HLCS: variants seen among roughly 807,000 people sequenced by gnomAD.
HLCS encodes the protein holocarboxylase synthetase.
In HLCS, 53 loss-of-function variants were observed where a neutral mutation model predicts 75.0. The observed-to-expected ratio is 0.71, with a 90% CI of 0.57 to 0.89. The LOEUF (loss-of-function observed/expected upper bound fraction) is 0.89, where lower values mean the gene tolerates loss of function less well. Among genes scored for constraint, HLCS ranks in the 40% least tolerant of loss-of-function variants. HLCS has a pLI of 0.00. For synonymous variants in HLCS, 431 were observed against 428.6 expected, an observed-to-expected ratio of 1.01 and a Z score of -0.07; for missense variants, 966 against 1,074.0, an observed-to-expected ratio of 0.90 and a Z score of 1.41.
At chr21:36,757,148 T>C (rs554229914) in intron 9 of HLCS, among the ~76,000 whole-genome samples, 16 of 152,352 alleles carry the variant, frequency 1.1e-4, no homozygotes, top group African/African-American at 3.8e-4. Flanking sequence ...CTCTGGTTTC[T>C]TCTCCTGCTT....
At chr21:36,911,239 A>G (rs1319484187) in intron 5 of HLCS, among the ~76,000 whole-genome samples, 2 of 151,820 alleles carry the variant, frequency 1.3e-5, no homozygotes, top group East Asian at 1.9e-4. Context: ...AGCCAGCTGC[A>G]CTCTGCGCTG....
At chr21:36,970,712 G>A (rs151167972), upstream of HLCS, among the ~76,000 whole-genome samples, 632 of 151,896 alleles carry the variant, frequency 4.2e-3, 2 homozygotes, top group African/African-American at 0.015. Context: ...GAAAATCTTC[G>A]CCGGGCACAG....
At chr21:36,761,889 C>T (rs571637109) in intron 8 of HLCS, among the ~76,000 whole-genome samples, 253 of 152,306 alleles carry the variant, frequency 1.7e-3, no homozygotes, top group African/African-American at 5.7e-3. Context: ...CAAGCTCCTC[C>T]GCCACGTGCG....
At chr21:36,901,499 T>C (rs2065235936) in intron 5 of HLCS, among the ~76,000 whole-genome samples, 1 of 152,224 alleles carries the variant, frequency 6.6e-6, no homozygotes, top group African/African-American at 2.4e-5. Flanking sequence ...GCCAGAAATC[T>C]ATTCTTACAG....
chr21:36,871,006 T>G (rs1467347791), intron 6 of HLCS, among the ~76,000 whole-genome samples: 6 of 152,204 alleles, frequency 3.9e-5, no homozygotes, highest in Admixed American at 2.0e-4. Context: ...TTTTCAATAA[T>G]GCAAACGCTG....
At chr21:36,824,435 T>C (rs2061945441) in intron 6 of HLCS, among the ~76,000 whole-genome samples, 2 of 152,082 alleles carry the variant, frequency 1.3e-5, no homozygotes, top group Non-Finnish European at 2.9e-5. Context: ...CACTGGGGCC[T>C]GTCAGAGAAG....
intron 6 of HLCS, among the ~76,000 whole-genome samples, chr21:36,802,243 C>T (rs888785204): frequency 3.9e-5 from 6 of 152,018 alleles, no homozygotes; most frequent in Non-Finnish European, 5.9e-5. Flanking sequence ...TCCAAGATTG[C>T]AGCATAAGGG....
At chr21:36,826,222 AG>A (rs1430679106) in intron 6 of HLCS, among the ~76,000 whole-genome samples, 1 of 152,210 alleles carries the variant, frequency 6.6e-6, no homozygotes, top group Non-Finnish European at 1.5e-5. Flanking sequence ...TTTGAAATAC[AG>A]GTCCCCAGTC....
Position 36,854,193 on chromosome 21 carries a change from T to C in HLCS, c.1892+42667A>G, listed in dbSNP as rs948546475. Among the ~76,000 whole-genome samples, 14 of 152,316 alleles carry C rather than the reference T, an allele frequency of 9.2e-5. No homozygotes were observed. In the East Asian group the frequency reaches 9.6e-4, roughly 10 times the overall value. ...ATATGTTAAAAATCACATCCTACAA[T>C]TAAGCTTTTGATGAGAACTGTTAGA... On this transcript the variant is annotated intron_variant, in intron 6 of 10. Transcript: ENST00000674895.
Position 36,966,449 on chromosome 21 carries a change from T to C in HLCS, c.190A>G (p.Ser64Gly). The change falls in exon 1 of 11, where the codon AGC becomes GGC. Residue 64 changes from serine to glycine, a missense_variant. Physicochemically the swap from Ser to Gly is moderately conservative, Grantham distance 56. Coordinates refer to ENST00000674895, the MANE Select transcript of HLCS (RefSeq NM_001352514.2). ...RGGRVFCVSD[S>G]QSIEDLNKWA... Reference sequence around the variant, plus strand: ...CGCCCGCCCGACCCGCCCACCTGGCTGTCGCTGACGCAGAAGACGCGGCCG... The same window carrying C: ...CGCCCGCCCGACCCGCCCACCTGGCCGTCGCTGACGCAGAAGACGCGGCCG... The C allele has an allele frequency of 4.1e-6, 1 of 243,370 alleles. No homozygotes were observed. 15.1% of individuals were successfully genotyped at this position (243,370 alleles called of 1,614,324 possible).
At chr21:36,818,453 A>G (rs989825714) in intron 6 of HLCS, among the ~76,000 whole-genome samples, 2 of 152,216 alleles carry the variant, frequency 1.3e-5, no homozygotes, top group African/African-American at 4.8e-5. Context: ...TTTTGTCCCT[A>G]CACACTGGGG....
chr21:36,756,782 C>T, intron 9 of HLCS, 27 bp from the exon 10 acceptor site: 3 of 1,613,686 alleles, frequency 1.9e-6, no homozygotes, highest in Non-Finnish European at 2.5e-6. Flanking sequence ...AATTGAGCAG[C>T]TCAGCCTGTT....
At chr21:36,778,726 G>A (rs997137293) in intron 6 of HLCS, among the ~76,000 whole-genome samples, 4 of 152,128 alleles carry the variant, frequency 2.6e-5, no homozygotes, top group Non-Finnish European at 5.9e-5. Context: ...TTATATCAGA[G>A]TAGACTTATA....
chr21:36,756,887 T>C (rs973933643), intron 9 of HLCS, 132 bp from the exon 10 acceptor site: 1 of 1,543,338 alleles, frequency 6.5e-7, no homozygotes, highest in Non-Finnish European at 8.7e-7. Flanking sequence ...ATTTCGTGTC[T>C]CTAACCACTT....
chr21:36,881,593 T>C (rs1349117989), intron 6 of HLCS, among the ~76,000 whole-genome samples: 3 of 152,198 alleles, frequency 2.0e-5, no homozygotes, highest in Non-Finnish European at 4.4e-5. Context: ...AGAGAGAACT[T>C]GTAACAGATC....
intron 6 of HLCS, among the ~76,000 whole-genome samples, chr21:36,880,985 T>C (rs1305377002): frequency 6.6e-6 from 1 of 151,602 alleles, no homozygotes; most frequent in East Asian, 1.9e-4. Flanking sequence ...TTTGTTTGTT[T>C]GTTTTGAGAT....
chr21:36,966,425 G>GCGCC lies in HLCS; in HGVS notation c.195+18_195+19insGGCG. 15 of 195,438 alleles carry GCGCC rather than the reference G, an allele frequency of 7.7e-5. No homozygotes were observed. The highest frequency in any genetic ancestry group is 1.2e-4 in the Non-Finnish European group (14 of 116,690). 12.1% of individuals were successfully genotyped at this position (195,438 alleles called of 1,614,324 possible). On this transcript the variant is annotated intron_variant, in intron 1 of 10. Coordinates refer to ENST00000674895, the MANE Select transcript of HLCS (RefSeq NM_001352514.2). ...CCGGCTCGCGGGGCCCGGGTCGCCC[G>GCGCC]CCCGCCCGACCCGCCCACCTGGCTG...
At chr21:36,938,736 C>G (rs2067005997) in intron 3 of HLCS, 96 bp downstream of exon 3, 1 of 1,290,824 alleles carries the variant, frequency 7.7e-7, no homozygotes, top group Admixed American at 1.7e-5. Context: ...CTCCTGGGCT[C>G]CAAGCGATCC....
chr21:36,977,730 C>T (rs979107917), intron 1 of HLCS, among the ~76,000 whole-genome samples: 8 of 152,310 alleles, frequency 5.3e-5, no homozygotes, highest in South Asian at 2.1e-4. Flanking sequence ...CAACAAAATG[C>T]ACACATTCAG....
Sources: allele counts gnomAD v4.1 joint callset (sites outside exome capture counted in the v4.1 genomes callset), GRCh38; gene constraint gnomAD v4.1.1; transcripts MANE v1.5; gene names NCBI Gene and HGNC (gene_info 2026-07-23, HGNC 2026-07-21).